The following FUT8 variants were observed in gnomAD, a reference collection of about 807,000 sequenced individuals.
The protein encoded by FUT8 is alpha-(1,6)-fucosyltransferase.
A neutral mutation model predicts 71.3 loss-of-function variants in FUT8; 29 were observed. That is an observed-to-expected ratio of 0.41 (90% CI 0.30 to 0.55). FUT8 has a LOEUF of 0.55. Among genes scored for constraint, FUT8 ranks in the 20% least tolerant of loss-of-function variants. FUT8 has a pLI of 0.34. For synonymous variants in FUT8, 254 were observed against 239.3 expected, an observed-to-expected ratio of 1.06 and a Z score of -0.57; for missense variants, 544 against 702.1, an observed-to-expected ratio of 0.77 and a Z score of 2.55.
intron 5 of FUT8, among the ~76,000 whole-genome samples, chr14:65,619,656 G>C (rs1016930469): frequency 3.9e-5 from 6 of 152,118 alleles, no homozygotes; most frequent in African/African-American, 1.4e-4. Flanking sequence ...GCTGTTTTAA[G>C]AATTTAGAGG....
chr14:65,681,721 A>G lies in FUT8; in HGVS notation c.835+12241A>G, dbSNP rs567362745. Among the ~76,000 whole-genome samples, 9 of 152,332 alleles carry G rather than the reference A, an allele frequency of 5.9e-5. No homozygotes were observed. In the East Asian group the frequency reaches 1.5e-3, roughly 26 times the overall value. On this transcript the variant is annotated intron_variant, in intron 7 of 10. Coordinates refer to ENST00000673929, the MANE Select transcript of FUT8 (RefSeq NM_001371533.1). Reference sequence around the variant, plus strand: ...GCTCAGTTCAGGCACTATGATCGTGATCACATTACAGTAATAGCTAATATT... The same window carrying G: ...GCTCAGTTCAGGCACTATGATCGTGGTCACATTACAGTAATAGCTAATATT...
At chr14:65,517,312 A>G (rs1001871092) in intron 2 of FUT8, among the ~76,000 whole-genome samples, 1 of 152,160 alleles carries the variant, frequency 6.6e-6, no homozygotes, top group South Asian at 2.1e-4. Context: ...TTTATTGAAT[A>G]CCTTGTATAT....
intron 3 of FUT8, among the ~76,000 whole-genome samples, chr14:65,600,047 A>G (rs749197637): frequency 2.6e-5 from 4 of 152,212 alleles, no homozygotes; most frequent in Non-Finnish European, 4.4e-5. Flanking sequence ...GATAGATTTT[A>G]ATAGTAGAGT....
intron 10 of FUT8, among the ~76,000 whole-genome samples, chr14:65,739,989 T>A (rs1006689956): frequency 2.0e-5 from 3 of 152,072 alleles, no homozygotes; most frequent in African/African-American, 4.8e-5. Context: ...TCTGTCATTG[T>A]TATTGTAGTT....
intron 10 of FUT8, among the ~76,000 whole-genome samples, chr14:65,738,127 G>A (rs548506780): frequency 8.5e-5 from 13 of 152,234 alleles, no homozygotes; most frequent in African/African-American, 3.1e-4. Context: ...TTACAATGCT[G>A]AGTGCTGTAC....
the FUT8 span, among the ~76,000 whole-genome samples, chr14:65,358,236 G>C: frequency 2.0e-5 from 3 of 152,104 alleles, no homozygotes; most frequent in South Asian, 6.2e-4. Flanking sequence ...GATGAGTATA[G>C]TAATTACCTT....
the FUT8 span, among the ~76,000 whole-genome samples, chr14:65,386,379 C>A: frequency 6.6e-6 from 1 of 151,486 alleles, no homozygotes; most frequent in Non-Finnish European, 1.5e-5. Context: ...TGGTGTGCGC[C>A]TATAGTTTTA....
In FUT8 at chr14:65,489,356, A is replaced by G. The variant is rs1004652408; in HGVS notation, c.-228+33638A>G. On this transcript the variant is annotated intron_variant, in intron 2 of 10. Transcript: ENST00000673929. The surrounding 1 kb of genome is among the most constrained non-coding windows in gnomAD (Gnocchi z 4.0). Reference sequence around the variant, plus strand: ...TAATTTTCTGGGACGTATCTCTTTTAGTCTCCGTATATTAAATCTTAGGGA... The same window carrying G: ...TAATTTTCTGGGACGTATCTCTTTTGGTCTCCGTATATTAAATCTTAGGGA... 1.7e-4 allele frequency among the ~76,000 whole-genome samples: 26 copies of G among 152,128 alleles called. No individual in the cohort carries two copies. The highest frequency in any genetic ancestry group is 5.5e-4 in the African/African-American group (23 of 41,450).
At chr14:65,448,181 G>A (rs1023081343) in intron 1 of FUT8, among the ~76,000 whole-genome samples, 6 of 152,182 alleles carry the variant, frequency 3.9e-5, no homozygotes, top group African/African-American at 1.4e-4. Flanking sequence ...GGAGCTGGAA[G>A]TGGAGCTGGT....
At chr14:65,547,998 A>G (rs28527359) in intron 2 of FUT8, among the ~76,000 whole-genome samples, 2 of 151,906 alleles carry the variant, frequency 1.3e-5, no homozygotes, top group African/African-American at 2.4e-5. Context: ...TCTCTAATCT[A>G]TGGCAATTTC....
intron 2 of FUT8, among the ~76,000 whole-genome samples, chr14:65,527,840 A>C (rs761353823): frequency 1.3e-5 from 2 of 152,218 alleles, no homozygotes; most frequent in Non-Finnish European, 2.9e-5. Context: ...CCTGGGTATT[A>C]GCAGCAGAGG....
At chr14:65,581,656 T>C (rs897673347) in intron 3 of FUT8, among the ~76,000 whole-genome samples, 2 of 152,168 alleles carry the variant, frequency 1.3e-5, no homozygotes, top group African/African-American at 4.8e-5. Context: ...AAATTTTAAA[T>C]ATAATTTACT....
At chr14:65,400,665 T>C in the FUT8 span, among the ~76,000 whole-genome samples, 1 of 152,082 alleles carries the variant, frequency 6.6e-6, no homozygotes, top group African/African-American at 2.4e-5. Flanking sequence ...GAGGGAGGAT[T>C]GCTTGAGCCT....
chr14:65,614,706 T>G (rs1260953848), intron 3 of FUT8, among the ~76,000 whole-genome samples: 1 of 152,202 alleles, frequency 6.6e-6, no homozygotes, highest in Non-Finnish European at 1.5e-5. Flanking sequence ...TAGTAAAATC[T>G]TCTTCTACCT....
intron 6 of FUT8, among the ~76,000 whole-genome samples, chr14:65,654,028 A>C (rs1287747488): frequency 6.6e-6 from 1 of 152,216 alleles, no homozygotes; most frequent in Non-Finnish European, 1.5e-5. Context: ...AGAATGAAGA[A>C]AGTACAAATT....
intron 2 of FUT8, among the ~76,000 whole-genome samples, chr14:65,545,529 G>T (rs534135316): frequency 6.6e-6 from 1 of 151,696 alleles, no homozygotes; most frequent in Admixed American, 6.6e-5. Flanking sequence ...ACAGTCATTC[G>T]TTAAATTTGC....
rs1427765075 is a variant in FUT8, at chr14:65,652,146, A to G, written c.598-17097A>G. 6.6e-6 allele frequency among the ~76,000 whole-genome samples: 1 copy of G among 152,168 alleles called. No individual in the cohort carries two copies. The highest frequency in any genetic ancestry group is 2.1e-4 in the South Asian group (1 of 4,822). ...CCTCCAGAAGAAGCCAACCCTGCCA[A>G]CACCTTGATTTTGGACTTCTGGCTT... is the stretch of plus-strand genomic sequence containing the variant. On this transcript the variant is annotated intron_variant, in intron 6 of 10. Coordinates refer to ENST00000673929, the MANE Select transcript of FUT8 (RefSeq NM_001371533.1). The surrounding 1 kb of genome is among the most constrained non-coding windows in gnomAD (Gnocchi z 4.0).
chr14:65,575,626 T>TTCCCTCCTTCCTTCCTTCCTC, intron 3 of FUT8, among the ~76,000 whole-genome samples: 1 of 95,934 alleles, frequency 1.0e-5, no homozygotes, highest in Admixed American at 1.1e-4. Context: ...TTCCTTCCTC[T>TTCCCTCCTTCCTTCCTTCCTC]TTTTTTTTTT....
At chr14:65,513,078 A>G (rs1045896159) in intron 2 of FUT8, among the ~76,000 whole-genome samples, 11 of 152,136 alleles carry the variant, frequency 7.2e-5, no homozygotes, top group African/African-American at 2.7e-4. Context: ...GAAGTGTTTC[A>G]GCTTCTTTCT....
Sources: gnomAD v4.1 joint callset for allele counts (sites outside exome capture counted in the v4.1 genomes callset) on GRCh38, gnomAD v4.1.1 for gene constraint, Gnocchi (gnomAD v3.1) non-coding constraint, MANE v1.5 for transcripts, NCBI Gene and HGNC (gene_info 2026-07-23, HGNC 2026-07-21) for gene names.